Variants in CNTN6 observed in about 807,000 individuals in gnomAD.
The protein encoded by CNTN6 is contactin-6.
CNTN6 carries 137 observed loss-of-function variants against 122.8 expected under a neutral mutation model. The observed-to-expected ratio is 1.12, with a 90% CI of 0.97 to 1.29. The LOEUF is 1.29. CNTN6 is among the 50% of genes most tolerant of loss of function. CNTN6 has a pLI of 0.00. For missense variants in CNTN6, 1,634 were observed against 1,223.4 expected, an observed-to-expected ratio of 1.34 and a Z score of -5.01; for synonymous variants, 570 against 426.0, an observed-to-expected ratio of 1.34 and a Z score of -4.16.
At chr3:1,261,216 G>A (rs2094841068) in intron 4 of CNTN6, among the ~76,000 whole-genome samples, 1 of 152,084 alleles carries the variant, frequency 6.6e-6, no homozygotes, top group Non-Finnish European at 1.5e-5. Context: ...AATCTCTTTG[G>A]CTTTCTGTGA....
chr3:1,279,868 C>A (rs60349868), intron 5 of CNTN6, among the ~76,000 whole-genome samples: 5,100 of 152,158 alleles, frequency 0.034, 299 homozygotes, highest in African/African-American at 0.12. Flanking sequence ...ATATCTTATT[C>A]GGTATTATTA....
chr3:1,301,075 C>T (rs558149132), intron 7 of CNTN6, among the ~76,000 whole-genome samples: 7 of 122,420 alleles, frequency 5.7e-5, no homozygotes, highest in South Asian at 2.6e-4. Flanking sequence ...CTAACTCTGT[C>T]GCCCAGGCTG....
chr3:1,313,984 C>T (rs151166677), intron 7 of CNTN6, among the ~76,000 whole-genome samples: 78 of 152,182 alleles, frequency 5.1e-4, no homozygotes, highest in African/African-American at 1.8e-3. Context: ...AGTCCCACCT[C>T]CTAATACTAT....
At chr3:1,372,785 G>A in intron 13 of CNTN6, 53 bp from the exon 14 acceptor site, 1 of 1,033,718 alleles carries the variant, frequency 9.7e-7, no homozygotes, top group Non-Finnish European at 1.5e-6. Context: ...CAATAAAGTA[G>A]GACTTGTTAT....
intron 2 of CNTN6, among the ~76,000 whole-genome samples, chr3:1,206,314 A>G (rs2093957640): frequency 6.6e-6 from 1 of 152,144 alleles, no homozygotes; most frequent in East Asian, 1.9e-4. Flanking sequence ...AACAGAAGAT[A>G]ATTTTAACTT....
At chr3:1,378,659 C>A (rs1710226298) in intron 17 of CNTN6, among the ~76,000 whole-genome samples, 1 of 152,094 alleles carries the variant, frequency 6.6e-6, no homozygotes, top group Non-Finnish European at 1.5e-5. Flanking sequence ...CCACACAGAG[C>A]ATTTCATATC....
chr3:1,230,858 G>A (rs1414211614), intron 4 of CNTN6, among the ~76,000 whole-genome samples: 1 of 152,204 alleles, frequency 6.6e-6, no homozygotes, highest in Admixed American at 6.5e-5. Context: ...TGCTGGCACA[G>A]TAATTGTCTA....
intron 4 of CNTN6, among the ~76,000 whole-genome samples, chr3:1,258,708 A>G (rs1212804202): frequency 1.3e-5 from 2 of 152,106 alleles, no homozygotes; most frequent in Non-Finnish European, 2.9e-5. Context: ...GGGTCCCTGA[A>G]GACCTATATC....
intron 2 of CNTN6, among the ~76,000 whole-genome samples, chr3:1,197,709 T>C (rs2093798289): frequency 6.6e-6 from 1 of 152,142 alleles, no homozygotes; most frequent in Non-Finnish European, 1.5e-5. Context: ...CTTGGGCAAG[T>C]AACCGCTCTC....
chr3:1,317,038 C>T (rs554657500), intron 7 of CNTN6, among the ~76,000 whole-genome samples: 1 of 151,944 alleles, frequency 6.6e-6, no homozygotes, highest in South Asian at 2.1e-4. Context: ...GCAAGAGGAA[C>T]ATGGCATTCA....
intron 5 of CNTN6, among the ~76,000 whole-genome samples, chr3:1,282,071 C>G (rs1190114961): frequency 6.6e-6 from 1 of 151,906 alleles, no homozygotes; most frequent in African/African-American, 2.4e-5. Context: ...ATTTACCCAG[C>G]AAAGAATGGC....
At chr3:1,324,723 A>G (rs887413846) in intron 8 of CNTN6, among the ~76,000 whole-genome samples, 5 of 149,130 alleles carry the variant, frequency 3.4e-5, no homozygotes, top group African/African-American at 1.3e-4. Context: ...CTTCCCGGTG[A>G]CTACCTTTTT....
chr3:1,348,813 A>G (rs1705172398), intron 11 of CNTN6, among the ~76,000 whole-genome samples: 1 of 151,958 alleles, frequency 6.6e-6, no homozygotes, highest in Admixed American at 6.6e-5. Flanking sequence ...TTTATAAAAT[A>G]GGGGTGCAAA....
At chr3:1,093,341 C>G (rs189535866) in intron 1 of CNTN6, among the ~76,000 whole-genome samples, 1 of 151,934 alleles carries the variant, frequency 6.6e-6, no homozygotes, top group African/African-American at 2.4e-5. Flanking sequence ...ATCTGTATTC[C>G]GGGAGGTTAG....
intron 2 of CNTN6, among the ~76,000 whole-genome samples, chr3:1,208,777 G>T (rs1312179153): frequency 6.9e-6 from 1 of 144,840 alleles, no homozygotes; most frequent in Non-Finnish European, 1.5e-5. Flanking sequence ...CAGAGTTCTT[G>T]AAAGGACCAA....
intron 1 of CNTN6, among the ~76,000 whole-genome samples, chr3:1,121,493 A>G (rs144120647): frequency 1.1e-3 from 160 of 152,022 alleles, no homozygotes; most frequent in African/African-American, 3.8e-3. Flanking sequence ...AACAAGAGCT[A>G]CAATAACAGA....
intron 20 of CNTN6, among the ~76,000 whole-genome samples, chr3:1,387,984 G>A (rs1693351869): frequency 6.6e-6 from 1 of 152,144 alleles, no homozygotes. Context: ...GAGGCTGGGG[G>A]AGGGGCGCCC....
chr3:1,395,043 C>G (rs893483601), intron 20 of CNTN6, among the ~76,000 whole-genome samples: 4 of 152,248 alleles, frequency 2.6e-5, no homozygotes, highest in Admixed American at 1.3e-4. Flanking sequence ...TCCTAGATAT[C>G]TAGTTTCAAT....
intron 2 of CNTN6, among the ~76,000 whole-genome samples, chr3:1,197,618 TA>T: frequency 6.6e-6 from 1 of 152,172 alleles, no homozygotes; most frequent in Admixed American, 6.5e-5. Context: ...GGTGATAAAA[TA>T]GCAAAATGTG....
Sources: gnomAD v4.1 joint callset for allele counts (sites outside exome capture counted in the v4.1 genomes callset) on GRCh38, gnomAD v4.1.1 for gene constraint, MANE v1.5 for transcripts, NCBI Gene and HGNC (gene_info 2026-07-23, HGNC 2026-07-21) for gene names.